Variants in NTRK3 observed in about 807,000 individuals in gnomAD.
The protein encoded by NTRK3 is NT-3 growth factor receptor.
Under a neutral mutation model 91.7 loss-of-function variants are expected in NTRK3, and 24 were observed. The ratio of observed to expected loss-of-function variants is 0.26; its 90% confidence interval spans 0.19 to 0.37. The LOEUF (loss-of-function observed/expected upper bound fraction) is 0.37. NTRK3 is among the 10% of genes least tolerant of loss of function. The pLI is 1.00. For missense variants in NTRK3, 880 were observed against 1,068.9 expected (o/e 0.82, Z 2.46); for synonymous variants, 483 against 404.0 (o/e 1.20, Z -2.34).
In NTRK3 at chr15:88,181,582, G is replaced by C. The variant is rs148693588; in HGVS notation, c.395+1836C>G. On this transcript the variant is annotated intron_variant, in intron 5 of 18. Transcript: ENST00000394480. The stretch of plus-strand genomic sequence containing the variant: ...CCTCAAAGAGAACAGGGTTTGTCTC[G>C]CATCAACAGCATCCCTCCCCCAAAT... Among the ~76,000 whole-genome samples the C allele has an allele frequency of 9.3e-4, 141 of 152,274 alleles. 1 individual carries two copies. The highest frequency in any genetic ancestry group is 8.1e-4 in the Non-Finnish European group (55 of 68,020).
At chr15:88,111,620 G>A (rs2051366236) in intron 13 of NTRK3, among the ~76,000 whole-genome samples, 1 of 152,164 alleles carries the variant, frequency 6.6e-6, no homozygotes, top group Admixed American at 6.5e-5. Flanking sequence ...AGCAGCCCTA[G>A]GTCTCCTTAT....
rs74434372 is a variant in NTRK3, at chr15:88,182,801, G to C, written c.395+617C>G. 6.6e-3 allele frequency among the ~76,000 whole-genome samples: 999 copies of C among 152,252 alleles called. 13 individuals are homozygous for C. The highest frequency in any genetic ancestry group is 0.023 in the African/African-American group (946 of 41,542). ...GCTTAGAGAGGAAGCATCAACTCTT[G>C]TGATTCTATCCCCACTAGGGAAAGG... On this transcript the variant is annotated intron_variant, in intron 5 of 18. Transcript: ENST00000394480.
chr15:88,136,583 C>A (rs753910026), exon 8 of NTRK3: 1 of 1,613,326 alleles, frequency 6.2e-7, no homozygotes, highest in Non-Finnish European at 8.5e-7. Flanking sequence ...GTCAGGTTGA[C>A]GTGGCTCACG....
intron 14 of NTRK3, among the ~76,000 whole-genome samples, chr15:87,988,358 A>C (rs2075013947): frequency 6.6e-6 from 1 of 152,236 alleles, no homozygotes. Context: ...GGTGTTCTGG[A>C]TGTGGTCCAG....
At chr15:88,207,628 A>G (rs981635567) in intron 3 of NTRK3, among the ~76,000 whole-genome samples, 1 of 152,164 alleles carries the variant, frequency 6.6e-6, no homozygotes, top group Admixed American at 6.5e-5. Context: ...TGTCTTCTCA[A>G]AGGTTTAGTA....
chr15:87,986,304 C>T (rs759847403), intron 14 of NTRK3, among the ~76,000 whole-genome samples: 9 of 152,088 alleles, frequency 5.9e-5, no homozygotes, highest in Non-Finnish European at 8.8e-5. Flanking sequence ...AGTGTAGAAA[C>T]TCTGTGCCTA....
chr15:88,182,816 C>T (rs1044711182), intron 5 of NTRK3, among the ~76,000 whole-genome samples: 2 of 152,184 alleles, frequency 1.3e-5, no homozygotes, highest in African/African-American at 4.8e-5. Flanking sequence ...TCTATCCCCA[C>T]TAGGGAAAGG....
chr15:88,172,648 G>A (rs1195959129), intron 5 of NTRK3, among the ~76,000 whole-genome samples: 11 of 152,210 alleles, frequency 7.2e-5, no homozygotes, highest in Non-Finnish European at 1.6e-4. Context: ...TAGGGTTTTC[G>A]ACTAAGAATT....
chr15:88,094,930 G>C (rs2049429153), intron 13 of NTRK3, among the ~76,000 whole-genome samples: 1 of 152,188 alleles, frequency 6.6e-6, no homozygotes, highest in Non-Finnish European at 1.5e-5. Flanking sequence ...GTTTATTAGA[G>C]AATTATTAGT....
At chr15:88,251,511 A>AG (rs1443322865) in intron 3 of NTRK3, among the ~76,000 whole-genome samples, 5 of 152,216 alleles carry the variant, frequency 3.3e-5, no homozygotes, top group Admixed American at 2.6e-4. Context: ...GGAGGCCCCG[A>AG]GGGGAGGCTG....
intron 3 of NTRK3, among the ~76,000 whole-genome samples, chr15:88,198,991 T>C (rs1244756956): frequency 6.6e-6 from 1 of 152,194 alleles, no homozygotes; most frequent in Non-Finnish European, 1.5e-5. Context: ...CTGTCCATCA[T>C]GGAACTAGGG....
At chr15:88,134,223 T>C (rs905248929) in intron 10 of NTRK3, among the ~76,000 whole-genome samples, 1 of 152,196 alleles carries the variant, frequency 6.6e-6, no homozygotes, top group African/African-American at 2.4e-5. Flanking sequence ...CAAAGACACA[T>C]GGCTTTATGG....
chr15:88,178,899 C>G (rs1027741231), intron 5 of NTRK3, among the ~76,000 whole-genome samples: 6 of 152,146 alleles, frequency 3.9e-5, no homozygotes, highest in Non-Finnish European at 8.8e-5. Context: ...GCCCACCTCT[C>G]CTATAAGAAG....
intron 13 of NTRK3, among the ~76,000 whole-genome samples, chr15:88,077,042 C>T (rs2047611856): frequency 6.6e-6 from 1 of 152,054 alleles, no homozygotes; most frequent in Admixed American, 6.6e-5. Flanking sequence ...TGCAACGAGC[C>T]GAGATCATGC....
At chr15:87,964,385 T>C (rs1433463485) in intron 14 of NTRK3, among the ~76,000 whole-genome samples, 1 of 150,680 alleles carries the variant, frequency 6.6e-6, no homozygotes. Context: ...GTTTATATAT[T>C]ATATATTTAC....
chr15:88,237,777 A>G lies in NTRK3; in HGVS notation c.248+18129T>C, dbSNP rs527518929. On this transcript the variant is annotated intron_variant, in intron 3 of 18. Coordinates refer to ENST00000394480, the Ensembl canonical transcript of NTRK3. This position sits in a 1 kb window ranked among gnomAD's most constrained non-coding sequence, Gnocchi z 4.0. ...GACACACCAAAATAAAATGAGAAAA[A>G]AAAAATCAGCCTTGATGAACTTCCA... is the stretch of plus-strand genomic sequence containing the variant. 6.6e-6 allele frequency among the ~76,000 whole-genome samples: 1 copy of G among 152,218 alleles called. No individual in the cohort carries two copies. Among genetic ancestry groups the G allele is most frequent in the Non-Finnish European group, 1.5e-5 (1 of 68,048 alleles).
Position 88,234,325 on chromosome 15 carries a change from T to A in NTRK3, c.248+21581A>T, listed in dbSNP as rs1380077269. On this transcript the variant is annotated intron_variant, in intron 3 of 18. Coordinates refer to ENST00000394480, the Ensembl canonical transcript of NTRK3. This position sits in a 1 kb window ranked among gnomAD's most constrained non-coding sequence, Gnocchi z 6.1. ...CATTGATTGATGCATGCATCAGCCCTGCATTTATATAGCAAGGCATATGCT... is the reference window on the plus strand; with the variant it reads ...CATTGATTGATGCATGCATCAGCCCAGCATTTATATAGCAAGGCATATGCT... Among the ~76,000 whole-genome samples the A allele has an allele frequency of 6.6e-6, 1 of 152,230 alleles. No homozygotes were observed. The highest frequency in any genetic ancestry group is 1.5e-5 in the Non-Finnish European group (1 of 68,044).
At chr15:88,256,517 G>GAA in intron 1 of NTRK3, 31 bp from the exon 2 acceptor site, 1 of 481,874 alleles carries the variant, frequency 2.1e-6, no homozygotes. Flanking sequence ...CGGTGGGGAG[G>GAA]CAAAAAAAAA....
At chr15:88,074,474 T>C (rs1441829855) in intron 13 of NTRK3, among the ~76,000 whole-genome samples, 1 of 152,260 alleles carries the variant, frequency 6.6e-6, no homozygotes, top group African/African-American at 2.4e-5. Flanking sequence ...AGTGCAGCTC[T>C]AGACCACTGG....
Sources: allele counts gnomAD v4.1 joint callset (sites outside exome capture counted in the v4.1 genomes callset), GRCh38; gene constraint gnomAD v4.1.1; non-coding constraint Gnocchi (gnomAD v3.1); transcripts MANE v1.5; gene names NCBI Gene and HGNC (gene_info 2026-07-23, HGNC 2026-07-21).